The following SLC6A3 variants were observed in gnomAD, a reference collection of about 807,000 sequenced individuals.
SLC6A3 encodes the protein sodium-dependent dopamine transporter.
A neutral mutation model predicts 70.4 loss-of-function variants in SLC6A3; 19 were observed. The ratio of observed to expected loss-of-function variants is 0.27; its 90% CI spans 0.19 to 0.40. The LOEUF (loss-of-function observed/expected upper bound fraction) is 0.40. Ranked by LOEUF, SLC6A3 falls within the 10% of genes least tolerant of loss-of-function variation. The pLI is 1.00. For missense variants in SLC6A3, 613 were observed against 838.5 expected (o/e 0.73, Z 3.32); for synonymous variants, 368 against 356.6 (o/e 1.03, Z -0.36).
rs1421790476 is a variant in SLC6A3 at position 1,408,460 on chromosome 5, G to T, written c.1498+566C>A. Among the ~76,000 whole-genome samples the T allele has an allele frequency of 6.6e-6, 1 of 152,062 alleles. No homozygotes were observed. The highest frequency in any genetic ancestry group is 6.5e-5 in the Admixed American group (1 of 15,268). ...ACAGAAGAGAGAACTAAGGGGAGTC[G>T]AGGTGACTTGGCCAGGTCAGCATGT... On this transcript the variant is annotated intron_variant, in intron 11 of 14. Transcript: ENST00000270349. This position sits in a 1 kb window ranked among gnomAD's most constrained non-coding sequence, Gnocchi z 6.4.
At chr5:1,441,212 G>T in intron 3 of SLC6A3, 147 bp downstream of exon 3, 2 of 909,150 alleles carry the variant, frequency 2.2e-6, no homozygotes, top group South Asian at 1.4e-5. Flanking sequence ...TTTAAGGTGG[G>T]ACCCAAGTTC....
chr5:1,397,382 G>GA lies in SLC6A3; in HGVS notation c.1840-2625dup, dbSNP rs1382014494. On this transcript the variant is annotated intron_variant, in intron 14 of 14. Coordinates refer to ENST00000270349, the MANE Select transcript of SLC6A3 (RefSeq NM_001044.5). This position sits in a 1 kb window ranked among gnomAD's most constrained non-coding sequence, Gnocchi z 4.7. ...GGAGGCGGAGCTTGCAGTGAGCCGA[G>GA]ATTGCGCCACTGCACTCCAGCCTGG... 2.6e-5 allele frequency among the ~76,000 whole-genome samples: 4 copies of GA among 152,232 alleles called. No individual in the cohort carries two copies. The highest frequency in any genetic ancestry group is 7.2e-5 in the African/African-American group (3 of 41,456).
At chr5:1,419,673 T>TTGC (rs1432165397) in intron 6 of SLC6A3, among the ~76,000 whole-genome samples, 1 of 152,168 alleles carries the variant, frequency 6.6e-6, no homozygotes, top group Non-Finnish European at 1.5e-5. Flanking sequence ...ACAGCTGATT[T>TTGC]TGCTGCCCTG....
At chr5:1,398,112 G>C (rs1204975045) in intron 14 of SLC6A3, among the ~76,000 whole-genome samples, 1 of 152,174 alleles carries the variant, frequency 6.6e-6, no homozygotes, top group African/African-American at 2.4e-5. Flanking sequence ...TGTAATCCCA[G>C]CACTCTGGGA....
intron 3 of SLC6A3, among the ~76,000 whole-genome samples, chr5:1,439,356 C>T (rs1756918278): frequency 6.6e-6 from 1 of 151,924 alleles, no homozygotes; most frequent in Admixed American, 6.6e-5. Context: ...AGGGAGGCCT[C>T]TTTTTGTAGC....
At chr5:1,431,383 T>G (rs1158376252) in intron 4 of SLC6A3, among the ~76,000 whole-genome samples, 23 of 141,558 alleles carry the variant, frequency 1.6e-4, no homozygotes, top group East Asian at 4.2e-4. Flanking sequence ...GGGCCTGGCC[T>G]GGGTGGACAG....
chr5:1,403,787 G>A (rs1165657625), intron 12 of SLC6A3, among the ~76,000 whole-genome samples: 1 of 152,156 alleles, frequency 6.6e-6, no homozygotes, highest in Non-Finnish European at 1.5e-5. Context: ...AAAGGTAACA[G>A]AGGGTGGGGT....
chr5:1,444,399 C>T (rs549561509), intron 1 of SLC6A3, among the ~76,000 whole-genome samples: 5 of 144,814 alleles, frequency 3.5e-5, no homozygotes, highest in Admixed American at 1.3e-4. Context: ...CACACATACA[C>T]ACTCACACAC....
chr5:1,434,146 C>T (rs1190909073), intron 3 of SLC6A3, among the ~76,000 whole-genome samples: 1 of 152,256 alleles, frequency 6.6e-6, no homozygotes, highest in Admixed American at 6.5e-5. Context: ...TGGAGCCATC[C>T]AAGGTCACAC....
At position 1,413,737 on chromosome 5, in the gene SLC6A3, G is replaced by A. The variant is rs916259641; in HGVS notation, c.1156+954C>T. Among the ~76,000 whole-genome samples the A allele has an allele frequency of 6.6e-6, 1 of 152,150 alleles. No individual in the cohort carries two copies. The highest frequency in any genetic ancestry group is 2.4e-5 in the African/African-American group (1 of 41,442). Reference sequence around the variant, plus strand: ...AGAGCAGGCCGGGAGGCAGGCGGGGGCTCTGCTGGCTGACAGAGACCGAGA... The same window carrying A: ...AGAGCAGGCCGGGAGGCAGGCGGGGACTCTGCTGGCTGACAGAGACCGAGA... On this transcript the variant is annotated intron_variant, in intron 8 of 14. Coordinates refer to ENST00000270349, the MANE Select transcript of SLC6A3 (RefSeq NM_001044.5). This position sits in a 1 kb window ranked among gnomAD's most constrained non-coding sequence, Gnocchi z 7.1.
At chr5:1,439,318 TGGGGTG>T (rs554357206) in intron 3 of SLC6A3, among the ~76,000 whole-genome samples, 27 of 17,140 alleles carry the variant, frequency 1.6e-3, no homozygotes, top group Non-Finnish European at 2.0e-3. Flanking sequence ...AAGATGTGTG[TGGGGTG>T]GGGGTGGGGG....
intron 4 of SLC6A3, among the ~76,000 whole-genome samples, chr5:1,424,538 C>T (rs1195880955): frequency 3.3e-5 from 5 of 152,244 alleles, no homozygotes; most frequent in South Asian, 2.1e-4. Flanking sequence ...CACACACACA[C>T]GTGCATGAAT....
At chr5:1,433,519 G>A (rs1195254651) in intron 3 of SLC6A3, among the ~76,000 whole-genome samples, 3 of 151,450 alleles carry the variant, frequency 2.0e-5, no homozygotes, top group Non-Finnish European at 4.4e-5. Context: ...AACTATCCAC[G>A]GTCAGCTATA....
At chr5:1,428,738 A>G (rs776448944) in intron 4 of SLC6A3, among the ~76,000 whole-genome samples, 6 of 152,128 alleles carry the variant, frequency 3.9e-5, no homozygotes, top group Non-Finnish European at 5.9e-5. Flanking sequence ...AGCACTGCAC[A>G]CGGCATTCAT....
Sources: gnomAD v4.1 joint callset for allele counts (sites outside exome capture counted in the v4.1 genomes callset) on GRCh38, gnomAD v4.1.1 for gene constraint, Gnocchi (gnomAD v3.1) non-coding constraint, MANE v1.5 for transcripts, NCBI Gene and HGNC (gene_info 2026-07-23, HGNC 2026-07-21) for gene names.